ESYT2: variants seen among roughly 807,000 people sequenced by gnomAD.
ESYT2 encodes the protein extended synaptotagmin 2, also known as extended synaptotagmin-2.
A neutral mutation model predicts 107.2 loss-of-function variants in ESYT2; 54 were observed. That is an observed-to-expected ratio of 0.50 (90% confidence interval 0.40 to 0.63). ESYT2 has a LOEUF of 0.63. Ranked by LOEUF, ESYT2 falls within the 30% of genes least tolerant of loss-of-function variation. ESYT2 has a pLI of 0.00. For synonymous variants in ESYT2, 491 were observed against 434.1 expected, an observed-to-expected ratio of 1.13 and a Z score of -1.63; for missense variants, 1,020 against 1,094.5, an observed-to-expected ratio of 0.93 and a Z score of 0.96.
intron 13 of ESYT2, among the ~76,000 whole-genome samples, chr7:158,755,413 A>C (rs1837719027): frequency 6.6e-6 from 1 of 152,180 alleles, no homozygotes; most frequent in South Asian, 2.1e-4. Context: ...AGGAAAGCTG[A>C]TTTTGGTAAC....
At chr7:158,781,075 ATG>A (rs1322372717) in intron 6 of ESYT2, among the ~76,000 whole-genome samples, 4 of 152,232 alleles carry the variant, frequency 2.6e-5, no homozygotes, top group Non-Finnish European at 5.9e-5. Context: ...ATAAGAGCAA[ATG>A]TGAGAACAAA....
In ESYT2 at chr7:158,732,827, A is replaced by T. The variant is rs1473590494; in HGVS notation, c.*1380T>A. ...TTACACATAGTTTTAAGATGTTCTCATGGCTATGGAAGCCATTTTCAGCAT... is the reference window on the plus strand; with the variant it reads ...TTACACATAGTTTTAAGATGTTCTCTTGGCTATGGAAGCCATTTTCAGCAT... On this transcript the variant is annotated 3_prime_UTR_variant, in exon 23 of 23. Coordinates refer to ENST00000275418, the MANE Select transcript of ESYT2 (RefSeq NM_001367773.1). 6.6e-6 allele frequency: 1 copy of T among 152,420 alleles called. No homozygotes were observed. The highest frequency in any genetic ancestry group is 1.5e-5 in the Non-Finnish European group (1 of 68,050). 9.4% of individuals were successfully genotyped at this position (152,420 alleles called of 1,614,324 possible).
chr7:158,743,465 G>A (rs975919545), intron 17 of ESYT2, 64 bp downstream of exon 17: 5 of 1,559,260 alleles, frequency 3.2e-6, no homozygotes, highest in Admixed American at 4.3e-5. Context: ...CGGGGCCCAT[G>A]AGTATCCCTG....
At chr7:158,811,021 G>A (rs1286681441) in intron 1 of ESYT2, among the ~76,000 whole-genome samples, 10 of 127,066 alleles carry the variant, frequency 7.9e-5, no homozygotes, top group Admixed American at 4.8e-4. Flanking sequence ...GGGGTAAGGC[G>A]CAGTGGCTCA....
intron 4 of ESYT2, among the ~76,000 whole-genome samples, chr7:158,790,648 T>G (rs1336469206): frequency 6.6e-6 from 1 of 152,144 alleles, no homozygotes; most frequent in African/African-American, 2.4e-5. Flanking sequence ...AAAATTTGGC[T>G]GGGCATGGTG....
At chr7:158,796,768 G>A (rs1257126742) in intron 3 of ESYT2, among the ~76,000 whole-genome samples, 3 of 152,136 alleles carry the variant, frequency 2.0e-5, no homozygotes, top group Admixed American at 1.3e-4. Flanking sequence ...CAGGAGAGAC[G>A]GGAAAAGGCA....
intron 4 of ESYT2, among the ~76,000 whole-genome samples, chr7:158,789,267 T>G (rs1337579853): frequency 2.0e-5 from 3 of 152,244 alleles, no homozygotes; most frequent in African/African-American, 7.2e-5. Flanking sequence ...TCATTGAGAA[T>G]TACTCTCTAC....
At chr7:158,789,274 C>T (rs1377726582) in intron 4 of ESYT2, among the ~76,000 whole-genome samples, 1 of 152,218 alleles carries the variant, frequency 6.6e-6, no homozygotes, top group African/African-American at 2.4e-5. Flanking sequence ...GAATTACTCT[C>T]TACCTAGTTG....
rs375236551 is a variant in ESYT2 at position 158,742,577 on chromosome 7, G to A, written c.1795-681C>T. On this transcript the variant is annotated intron_variant, in intron 17 of 22. Transcript: ENST00000275418. ...GAAAGTCCAGAACCCCTGCTATCCA[G>A]CAAGATCACCCCAACAACCTGACAT... Among the ~76,000 whole-genome samples, 51 of 152,304 alleles carry A rather than the reference G, an allele frequency of 3.3e-4. No individual in the cohort carries two copies. In the South Asian group the frequency reaches 9.9e-3, roughly 30 times the overall value.
chr7:158,759,511 T>C lies in ESYT2; in HGVS notation c.1394A>G (p.Tyr465Cys). ...DGLSSALLIL[Y>C]LDSARNLPSN... is the part of the protein sequence containing the mutation. ...CGGAAGGTTCCTTGCTGAATCCAAG[T>C]ACAAGATCAGCAATGCAGAGGAAAG... Residue 465 changes from tyrosine to cysteine, a missense_variant, in exon 13 of 23, where the codon TAC (tyrosine) becomes TGC (cysteine). Tyr to Cys is a radical substitution (Grantham distance 194). Transcript: ENST00000275418. 6.2e-7 allele frequency: 1 copy of C among 1,611,656 alleles called. No homozygotes were observed. Among genetic ancestry groups the C allele is most frequent in the Non-Finnish European group, 8.5e-7 (1 of 1,177,886 alleles).
intron 1 of ESYT2, among the ~76,000 whole-genome samples, chr7:158,812,571 G>A (rs62475598): frequency 2.4e-3 from 362 of 152,280 alleles, no homozygotes; most frequent in Non-Finnish European, 3.8e-3. Context: ...GTTAAACATA[G>A]ACCCAACAAT....
At chr7:158,807,285 T>G (rs1584875319) in intron 1 of ESYT2, among the ~76,000 whole-genome samples, 1 of 143,352 alleles carries the variant, frequency 7.0e-6, no homozygotes. Flanking sequence ...ATTACAGAAG[T>G]GACTGGAATA....
intron 14 of ESYT2, among the ~76,000 whole-genome samples, chr7:158,750,952 T>C (rs1468114671): frequency 6.6e-6 from 1 of 152,228 alleles, no homozygotes; most frequent in Non-Finnish European, 1.5e-5. Context: ...CTGCTACTTC[T>C]AAGTCAGTTC....
rs1249747543 is a variant in ESYT2 at position 158,743,511 on chromosome 7, T to C, written c.1794+18A>G. On this transcript the variant is annotated intron_variant, in intron 17 of 22. Coordinates refer to ENST00000275418, the MANE Select transcript of ESYT2 (RefSeq NM_001367773.1). ...CCTCCCCATCCCCTATGGTGTTCACTGCAGGACGACACGATACCCGCAGGG... is the reference window on the plus strand; with the variant it reads ...CCTCCCCATCCCCTATGGTGTTCACCGCAGGACGACACGATACCCGCAGGG... 2.5e-6 allele frequency: 4 copies of C among 1,604,030 alleles called. No homozygotes were observed. Among genetic ancestry groups the C allele is most frequent in the Non-Finnish European group, 2.5e-6 (3 of 1,176,772 alleles).
chr7:158,796,649 G>A (rs6459904), intron 3 of ESYT2, among the ~76,000 whole-genome samples: 19,633 of 152,236 alleles, frequency 0.13, 1,424 homozygotes, highest in African/African-American at 0.2. Context: ...GAAGCCATGA[G>A]ACGGAGGCTG....
At chr7:158,757,774 T>G (rs1484298843) in intron 13 of ESYT2, among the ~76,000 whole-genome samples, 4 of 151,822 alleles carry the variant, frequency 2.6e-5, no homozygotes, top group African/African-American at 9.7e-5. Context: ...TTTTGTTTTT[T>G]GTTTTTTTTG....
At chr7:158,821,332 T>C (rs1840279543) in intron 1 of ESYT2, among the ~76,000 whole-genome samples, 1 of 152,202 alleles carries the variant, frequency 6.6e-6, no homozygotes, top group Non-Finnish European at 1.5e-5. Flanking sequence ...GAAGATCGCC[T>C]ATTTGAAGAA....
intron 6 of ESYT2, among the ~76,000 whole-genome samples, chr7:158,785,510 G>A (rs1839081186): frequency 6.6e-6 from 1 of 152,140 alleles, no homozygotes; most frequent in Non-Finnish European, 1.5e-5. Context: ...ACATGTAGGA[G>A]AAATATTTAA....
Position 158,829,380 on chromosome 7 carries a change from G to T in ESYT2, c.39C>A (p.Ala13=). Residue 13 remains alanine, a synonymous_variant, in exon 1 of 23, where the codon GCC becomes GCA. Transcript: ENST00000275418. ...GCGCCGCGCGGCCCCCAGCCCCGCC[G>T]GCGCCCGCCTCCGGGCCCTCGCCCC... The part of the protein sequence containing the change: ...GARGEGPEAG[A]GGAGGRAAPE... 1 of 1,265,224 alleles carries T rather than the reference G, an allele frequency of 7.9e-7. No homozygotes were observed. The allele number at this position is 1,265,224 out of a possible 1,614,324, so 78.4% of individuals were successfully genotyped here.
Sources: gnomAD v4.1 joint callset for allele counts (sites outside exome capture counted in the v4.1 genomes callset) on GRCh38, gnomAD v4.1.1 for gene constraint, MANE v1.5 for transcripts, NCBI Gene and HGNC (gene_info 2026-07-23, HGNC 2026-07-21) for gene names.